NAPB: variants seen among roughly 807,000 people sequenced by gnomAD.
NAPB encodes the protein beta-soluble NSF attachment protein.
NAPB carries 26 observed loss-of-function variants against 44.7 expected under a neutral mutation model. The ratio of observed to expected loss-of-function variants is 0.58; its 90% CI spans 0.43 to 0.81. The LOEUF (loss-of-function observed/expected upper bound fraction) is 0.81, where lower values mean the gene tolerates loss of function less well. Ranked by LOEUF, NAPB falls within the 30% of genes least tolerant of loss-of-function variation. NAPB has a pLI of 0.00. For synonymous variants in NAPB, 120 were observed against 116.8 expected (o/e 1.03, Z -0.18); for missense variants, 315 against 356.4 (o/e 0.88, Z 0.94).
rs762761049 is a variant in NAPB at position 23,402,983 on chromosome 20, T to C, written c.178+10A>G. 3 of 1,607,658 alleles carry C rather than the reference T, an allele frequency of 1.9e-6. No homozygotes were observed. The highest frequency in any genetic ancestry group is 2.5e-6 in the Non-Finnish European group (3 of 1,176,844). On this transcript the variant is annotated intron_variant, in intron 2 of 10. Transcript: ENST00000377026. ...TTTGCCTAAAAAGCAAACAAAAACT[T>C]TGTACATACCACTCCAATTTTTAGC...
At chr20:23,385,175 A>G (rs56334525) in intron 7 of NAPB, among the ~76,000 whole-genome samples, 11,544 of 152,244 alleles carry the variant, frequency 0.076, 665 homozygotes, top group East Asian at 0.3. Context: ...CTTCAGTTAT[A>G]ATGATATAGA....
intron 7 of NAPB, among the ~76,000 whole-genome samples, chr20:23,384,064 C>T (rs1007202493): frequency 5.3e-5 from 8 of 152,262 alleles, no homozygotes; most frequent in Non-Finnish European, 1.0e-4. Flanking sequence ...CACTTATATA[C>T]GGATTTTTTT....
intron 7 of NAPB, among the ~76,000 whole-genome samples, chr20:23,389,125 A>G (rs1237080121): frequency 1.3e-5 from 2 of 152,144 alleles, no homozygotes; most frequent in African/African-American, 4.8e-5. Context: ...ATATACAAAT[A>G]GCCAATAAGC....
Position 23,397,013 on chromosome 20 carries a change from G to T in NAPB, c.295+59C>A, listed in dbSNP as rs1984415613. The T allele has an allele frequency of 5.2e-6, 8 of 1,549,092 alleles. No homozygotes were observed. In the Admixed American group the frequency reaches 6.9e-5, roughly 13 times the overall value. On this transcript the variant is annotated intron_variant, in intron 3 of 10. Transcript: ENST00000377026. The stretch of plus-strand genomic sequence containing the variant: ...ACCAACACTGACCTTAACGTTGAGG[G>T]AAGTACTGACTGGTTAGTTACACAC...
At chr20:23,395,816 T>C (rs915523815) in intron 3 of NAPB, among the ~76,000 whole-genome samples, 7 of 152,146 alleles carry the variant, frequency 4.6e-5, no homozygotes, top group Non-Finnish European at 7.3e-5. Context: ...AGCCAAAAAA[T>C]TTTCCCTATC....
At chr20:23,403,246 T>C (rs926710746) in intron 1 of NAPB, among the ~76,000 whole-genome samples, 174 bp from the exon 2 acceptor site, 2 of 152,190 alleles carry the variant, frequency 1.3e-5, no homozygotes, top group Non-Finnish European at 2.9e-5. Flanking sequence ...ATGAGGAAAC[T>C]GGGGTGTTAA....
chr20:23,401,750 G>A (rs1375280081), intron 2 of NAPB, among the ~76,000 whole-genome samples: 1 of 152,124 alleles, frequency 6.6e-6, no homozygotes, highest in Non-Finnish European at 1.5e-5. Flanking sequence ...GCGTGGTGGC[G>A]CGTGCCTGTA....
intron 1 of NAPB, among the ~76,000 whole-genome samples, chr20:23,407,682 C>A (rs1985348069): frequency 6.6e-6 from 1 of 152,110 alleles, no homozygotes; most frequent in African/African-American, 2.4e-5. Flanking sequence ...TTCTTGCCCA[C>A]AAGGAGGTCA....
intron 1 of NAPB, among the ~76,000 whole-genome samples, chr20:23,409,836 A>C (rs1270862361): frequency 6.6e-6 from 1 of 152,204 alleles, no homozygotes; most frequent in East Asian, 1.9e-4. Flanking sequence ...GAAATAAAAA[A>C]TCCAAAACTA....
At chr20:23,394,262 G>C (rs79481339) in intron 5 of NAPB, among the ~76,000 whole-genome samples, 1 of 152,152 alleles carries the variant, frequency 6.6e-6, no homozygotes, top group African/African-American at 2.4e-5. Flanking sequence ...ATCCTGCAGC[G>C]ATCAAGTGTG....
chr20:23,408,728 G>A (rs1985434588), intron 1 of NAPB, among the ~76,000 whole-genome samples: 2 of 152,162 alleles, frequency 1.3e-5, no homozygotes, highest in South Asian at 4.1e-4. Context: ...AGAGGCCCCA[G>A]AAGGACACAA....
intron 7 of NAPB, among the ~76,000 whole-genome samples, chr20:23,386,575 A>G (rs1385205996): frequency 6.6e-6 from 1 of 152,240 alleles, no homozygotes. Flanking sequence ...ACTTACAAAA[A>G]GTAAAGTCAG....
intron 8 of NAPB, 47 bp downstream of exon 8, chr20:23,381,166 T>G (rs756476724): frequency 8.0e-7 from 1 of 1,254,292 alleles, no homozygotes; most frequent in South Asian, 1.2e-5. Context: ...AATGTGTACG[T>G]ATTCTTATGG....
At chr20:23,400,985 GAA>G (rs974744187) in intron 2 of NAPB, among the ~76,000 whole-genome samples, 4 of 143,160 alleles carry the variant, frequency 2.8e-5, no homozygotes, top group Non-Finnish European at 4.6e-5. Context: ...GTTGGAGAAA[GAA>G]AAAAAAAAAA....
intron 7 of NAPB, among the ~76,000 whole-genome samples, chr20:23,387,944 A>G (rs1983652211): frequency 6.6e-6 from 1 of 152,168 alleles, no homozygotes; most frequent in African/African-American, 2.4e-5. Flanking sequence ...GAATAAGCAG[A>G]TTGCCCTCCC....
chr20:23,379,760 G>T, intron 9 of NAPB, 107 bp downstream of exon 9: 2 of 835,734 alleles, frequency 2.4e-6, no homozygotes, highest in East Asian at 2.6e-5. Flanking sequence ...GGGCCCCTCA[G>T]TTAGCAGACT....
At chr20:23,403,950 TAGAAATGCATTTTGCAACACCCTG>T (rs1985049131) in intron 1 of NAPB, among the ~76,000 whole-genome samples, 1 of 152,138 alleles carries the variant, frequency 6.6e-6, no homozygotes, top group Admixed American at 6.5e-5. Flanking sequence ...CGGCCCAGTT[TAGAAATGCATTTTGCAACACCCTG>T]AGAAATGCAT....
Position 23,396,494 on chromosome 20 carries a change from C to A in NAPB, c.295+578G>T, listed in dbSNP as rs183844043. Among the ~76,000 whole-genome samples the A allele has an allele frequency of 4.2e-3, 638 of 152,324 alleles. 2 individuals carry two copies. The highest frequency in any genetic ancestry group is 0.015 in the African/African-American group (618 of 41,584). On this transcript the variant is annotated intron_variant, in intron 3 of 10. Transcript: ENST00000377026. ...GCGTGTGGAAGGTAAGAAATTAATACTTTTAATTACACTCTTCTAACTAAA... is the reference window on the plus strand; with the variant it reads ...GCGTGTGGAAGGTAAGAAATTAATAATTTTAATTACACTCTTCTAACTAAA...
chr20:23,384,195 T>C (rs1365337552), intron 7 of NAPB, among the ~76,000 whole-genome samples: 7 of 152,156 alleles, frequency 4.6e-5, no homozygotes, highest in African/African-American at 1.4e-4. Flanking sequence ...TATGCACAGA[T>C]TTTGATATAT....
Sources: allele counts gnomAD v4.1 joint callset (sites outside exome capture counted in the v4.1 genomes callset), GRCh38; gene constraint gnomAD v4.1.1; transcripts MANE v1.5; gene names NCBI Gene and HGNC (gene_info 2026-07-23, HGNC 2026-07-21).